Variants in EFCAB10 observed in about 807,000 individuals in gnomAD.
EFCAB10 encodes the protein EF-hand calcium binding domain 10.
Under a neutral mutation model 7.7 loss-of-function variants are expected in EFCAB10, and 7 were observed. The observed-to-expected ratio is 0.91, with a 90% CI of 0.52 to 1.72. The LOEUF is 1.72. EFCAB10 is among the 40% of genes most tolerant of loss of function. EFCAB10 has a pLI of 0.00. For missense variants in EFCAB10, 112 were observed against 61.5 expected (o/e 1.82, Z -2.74); for synonymous variants, 52 against 21.0 (o/e 2.47, Z -4.03).
chr7:105,574,472 G>C (rs989427377), intron 1 of EFCAB10, among the ~76,000 whole-genome samples: 1 of 151,090 alleles, frequency 6.6e-6, no homozygotes, highest in Non-Finnish European at 1.5e-5. Flanking sequence ...GGCAAAGAGA[G>C]ACCTTGTGCA....
chr7:105,578,312 T>C (rs1792138152), intron 1 of EFCAB10, among the ~76,000 whole-genome samples: 1 of 152,136 alleles, frequency 6.6e-6, no homozygotes, highest in Non-Finnish European at 1.5e-5. Flanking sequence ...AAATAACAAT[T>C]TGGTAAATTC....
At position 105,565,665 on chromosome 7, in the gene EFCAB10, A is replaced by G. The variant is rs1472480266; in HGVS notation, c.*-218T>C. On this transcript the variant is annotated intron_variant, in intron 4 of 4. Coordinates refer to ENST00000480514, the MANE Select transcript of EFCAB10 (RefSeq NM_001355526.2). ...TTTTAAACAGTAAGCTCAACATTTA[A>G]CAATTAATATTAATGTATCAAATTG... 3.4e-6 allele frequency: 5 copies of G among 1,466,166 alleles called. No individual in the cohort carries two copies. The African/African-American group carries it at 7.0e-5, about 20-fold the overall frequency. The allele number at this position is 1,466,166 out of a possible 1,614,324, so 90.8% of individuals were successfully genotyped here.
chr7:105,574,596 T>C (rs1792029797), intron 1 of EFCAB10, among the ~76,000 whole-genome samples: 1 of 151,968 alleles, frequency 6.6e-6, no homozygotes. Flanking sequence ...GCCATTCTCC[T>C]GCCTCAGCCT....
intron 3 of EFCAB10, among the ~76,000 whole-genome samples, chr7:105,568,055 C>A (rs1025353371): frequency 2.6e-5 from 4 of 152,168 alleles, no homozygotes; most frequent in African/African-American, 9.6e-5. Context: ...CTTCATTTCT[C>A]ACAAATGCCC....
chr7:105,578,959 G>C, intron 1 of EFCAB10, among the ~76,000 whole-genome samples: 1 of 152,162 alleles, frequency 6.6e-6, no homozygotes, highest in East Asian at 1.9e-4. Context: ...TTTTAGTAGA[G>C]ATGGGGTTTC....
intron 1 of EFCAB10, among the ~76,000 whole-genome samples, chr7:105,573,883 T>G (rs1586288552): frequency 6.6e-6 from 1 of 152,264 alleles, no homozygotes; most frequent in East Asian, 1.9e-4. Flanking sequence ...AATGGTGAAA[T>G]CTAGTCAGTC....
chr7:105,578,354 T>G (rs2115577015), intron 1 of EFCAB10, among the ~76,000 whole-genome samples: 1 of 152,286 alleles, frequency 6.6e-6, no homozygotes, highest in Middle Eastern at 3.4e-3. Context: ...TAAATTGCAT[T>G]CTTCTGATAA....
At chr7:105,572,079 T>C (rs939131078) in intron 1 of EFCAB10, 3 of 152,242 alleles carry the variant, frequency 2.0e-5, no homozygotes, top group Non-Finnish European at 4.4e-5. Flanking sequence ...AGAACACTTA[T>C]AATCTACTGT....
At chr7:105,570,298 C>A (rs1430538193) in intron 1 of EFCAB10, among the ~76,000 whole-genome samples, 2 of 127,426 alleles carry the variant, frequency 1.6e-5, no homozygotes, top group Non-Finnish European at 3.3e-5. Flanking sequence ...TATACACATA[C>A]ACACACACAT....
At chr7:105,579,036 G>T (rs1792157384) in intron 1 of EFCAB10, among the ~76,000 whole-genome samples, 1 of 152,222 alleles carries the variant, frequency 6.6e-6, no homozygotes, top group Non-Finnish European at 1.5e-5. Context: ...GCCTCTCAAA[G>T]TGTTGGGAGG....
At chr7:105,567,316 T>C (rs1173441214) in intron 4 of EFCAB10, 151 bp downstream of exon 4, 1 of 1,571,078 alleles carries the variant, frequency 6.4e-7, no homozygotes, top group African/African-American at 1.4e-5. Flanking sequence ...AAATAATGTC[T>C]TTCAGAAAAA....
chr7:105,569,803 T>G (rs942652291), intron 1 of EFCAB10, among the ~76,000 whole-genome samples: 4 of 152,060 alleles, frequency 2.6e-5, no homozygotes, highest in African/African-American at 9.7e-5. Flanking sequence ...CTATAGAGAC[T>G]GGACCTGGGC....
intron 1 of EFCAB10, among the ~76,000 whole-genome samples, chr7:105,580,540 T>A (rs1792198550): frequency 6.6e-6 from 1 of 152,130 alleles, no homozygotes; most frequent in African/African-American, 2.4e-5. Flanking sequence ...AGTGGCGCCA[T>A]CTCGTGCCCG....
At chr7:105,576,062 T>C (rs905372342) in intron 1 of EFCAB10, among the ~76,000 whole-genome samples, 1 of 152,132 alleles carries the variant, frequency 6.6e-6, no homozygotes, top group Non-Finnish European at 1.5e-5. Flanking sequence ...TACCAGGGGC[T>C]TCACAAAGAC....
intron 1 of EFCAB10, among the ~76,000 whole-genome samples, chr7:105,576,895 A>C (rs1792094221): frequency 6.6e-6 from 1 of 152,176 alleles, no homozygotes; most frequent in Admixed American, 6.5e-5. Flanking sequence ...CTCTACTAAA[A>C]ATACAAAAAT....
intron 1 of EFCAB10, among the ~76,000 whole-genome samples, chr7:105,570,264 T>C (rs1412107375): frequency 0.017 from 1,426 of 86,374 alleles, 19 homozygotes; most frequent in African/African-American, 0.028. Context: ...TATATATATA[T>C]ATATACACAC....
intron 1 of EFCAB10, among the ~76,000 whole-genome samples, chr7:105,579,785 T>C (rs1196514607): frequency 6.6e-6 from 1 of 152,184 alleles, no homozygotes; most frequent in Non-Finnish European, 1.5e-5. Flanking sequence ...AGAATATTGC[T>C]AAAAGAGTTG....
At chr7:105,581,263 G>A in intron 1 of EFCAB10, 95 bp downstream of exon 1, 1 of 659,818 alleles carries the variant, frequency 1.5e-6, no homozygotes, top group Non-Finnish European at 2.8e-6. Flanking sequence ...ACGTGGCTGG[G>A]AGGCAGTGGA....
rs755060169 is a variant in EFCAB10, at chr7:105,565,622, C to G, written c.*-175G>C. The G allele has an allele frequency of 1.9e-6, 3 of 1,609,834 alleles. No homozygotes were observed. Among genetic ancestry groups the G allele is most frequent in the African/African-American group, 1.3e-5 (1 of 74,794 alleles). Reference sequence around the variant, plus strand: ...TTTTCCCTTTGTTTTCTCACTATTGCAAGAGACCAGAAAATTATTTTAAAC... The same window carrying G: ...TTTTCCCTTTGTTTTCTCACTATTGGAAGAGACCAGAAAATTATTTTAAAC... On this transcript the variant is annotated intron_variant, in intron 4 of 4. Coordinates refer to ENST00000480514, the MANE Select transcript of EFCAB10 (RefSeq NM_001355526.2).
Sources: gnomAD v4.1 joint callset for allele counts (sites outside exome capture counted in the v4.1 genomes callset) on GRCh38, gnomAD v4.1.1 for gene constraint, MANE v1.5 for transcripts, NCBI Gene and HGNC (gene_info 2026-07-23, HGNC 2026-07-21) for gene names.